The following SGF29 variants were observed in gnomAD, a reference collection of about 807,000 sequenced individuals.
SGF29 encodes the protein SAGA complex associated factor 29, also known as SAGA-associated factor 29.
Under a neutral mutation model 38.1 loss-of-function variants are expected in SGF29, and 15 were observed. The observed-to-expected ratio is 0.39, with a 90% CI of 0.26 to 0.61. SGF29 has a LOEUF of 0.61. Among genes scored for constraint, SGF29 ranks in the 20% least tolerant of loss-of-function variants. The probability of loss-of-function intolerance (pLI) is 0.49; values close to 1 mark genes in which losing one functional copy is unlikely to be tolerated. For synonymous variants in SGF29, 151 were observed against 160.8 expected (o/e 0.94, Z 0.46); for missense variants, 184 against 394.6 (o/e 0.47, Z 4.52).
At chr16:28,589,073 C>T in intron 4 of SGF29, 27 bp from the exon 5 acceptor site, 1 of 1,613,736 alleles carries the variant, frequency 6.2e-7, no homozygotes, top group Non-Finnish European at 8.5e-7. Flanking sequence ...TAACCAAACC[C>T]TCTTTCTCCC....
chr16:28,588,980 AC>A lies in SGF29; in HGVS notation c.225-118del, dbSNP rs543523344. 167 of 999,376 alleles carry A rather than the reference AC, an allele frequency of 1.7e-4. 2 individuals carry two copies. In the South Asian group the frequency reaches 2.2e-3, roughly 13 times the overall value. 61.9% of individuals were successfully genotyped at this position (999,376 alleles called of 1,614,324 possible). ...ACCTGCGCAGGAGGCTACTGTGAGAACCTCTGGAGTCCGGGACCAGCCTGGG... is the reference window on the plus strand; with the variant it reads ...ACCTGCGCAGGAGGCTACTGTGAGAACTCTGGAGTCCGGGACCAGCCTGGG... On this transcript the variant is annotated intron_variant, in intron 4 of 9. Coordinates refer to ENST00000317058, the MANE Select transcript of SGF29 (RefSeq NM_138414.3).
chr16:28,565,349 C>G (rs1337158491), intron 1 of SGF29, among the ~76,000 whole-genome samples: 1 of 152,138 alleles, frequency 6.6e-6, no homozygotes, highest in Non-Finnish European at 1.5e-5. Flanking sequence ...AACCATCACA[C>G]CTGGAAATCT....
intron 1 of SGF29, among the ~76,000 whole-genome samples, chr16:28,570,960 A>G (rs1013842715): frequency 6.6e-6 from 1 of 152,108 alleles, no homozygotes; most frequent in African/African-American, 2.4e-5. Flanking sequence ...ATTTGGGGCC[A>G]TTGGGGTGGA....
intron 9 of SGF29, 31 bp from the exon 10 acceptor site, chr16:28,591,559 G>C (rs2151656397): frequency 6.6e-7 from 1 of 1,523,132 alleles, no homozygotes; most frequent in South Asian, 1.1e-5. Flanking sequence ...GGGGGTCTCT[G>C]AGCAGCCCCT....
intron 4 of SGF29, among the ~76,000 whole-genome samples, chr16:28,587,718 CA>C (rs1310811209): frequency 6.6e-6 from 1 of 152,220 alleles, no homozygotes; most frequent in Non-Finnish European, 1.5e-5. Flanking sequence ...AAAGGCTTGC[CA>C]GAGGAATGGA....
intron 1 of SGF29, among the ~76,000 whole-genome samples, chr16:28,575,717 C>A (rs1487385760): frequency 6.6e-6 from 1 of 152,068 alleles, no homozygotes; most frequent in African/African-American, 2.4e-5. Context: ...AGACAAATAA[C>A]CAAACTTTAA....
chr16:28,582,253 A>G (rs1406424021), intron 2 of SGF29, among the ~76,000 whole-genome samples: 1 of 152,236 alleles, frequency 6.6e-6, no homozygotes, highest in African/African-American at 2.4e-5. Flanking sequence ...ACTGTAAACG[A>G]AAAGCAAAAC....
chr16:28,589,338 C>A, intron 5 of SGF29, 174 bp downstream of exon 5: 1 of 620,096 alleles, frequency 1.6e-6, no homozygotes. Flanking sequence ...ATTCCCAGTG[C>A]CCAGAGGCAG....
chr16:28,573,661 A>T (rs1362746530), intron 1 of SGF29, among the ~76,000 whole-genome samples: 1 of 152,210 alleles, frequency 6.6e-6, no homozygotes, highest in East Asian at 1.9e-4. Flanking sequence ...AGTTCAGAAC[A>T]CAAATGAAGA....
intron 1 of SGF29, among the ~76,000 whole-genome samples, chr16:28,570,406 A>G (rs117470737): frequency 0.02 from 3,024 of 152,208 alleles, 57 homozygotes; most frequent in Non-Finnish European, 0.031. Context: ...TGTCTGTCCT[A>G]TGCCTGTCCC....
intron 2 of SGF29, among the ~76,000 whole-genome samples, 199 bp from the exon 3 acceptor site, chr16:28,584,714 G>A (rs767442335): frequency 7.9e-5 from 12 of 151,610 alleles, no homozygotes; most frequent in South Asian, 2.1e-4. Context: ...GCGTGAACCC[G>A]GGAGGCGGAG....
At chr16:28,579,712 C>T (rs1415129552) in intron 1 of SGF29, among the ~76,000 whole-genome samples, 1 of 151,930 alleles carries the variant, frequency 6.6e-6, no homozygotes, top group Non-Finnish European at 1.5e-5. Context: ...AAGCAGATCA[C>T]CTGAGGTCAG....
At chr16:28,569,020 G>A (rs1280372781) in intron 1 of SGF29, among the ~76,000 whole-genome samples, 6 of 150,666 alleles carry the variant, frequency 4.0e-5, no homozygotes, top group East Asian at 2.0e-4. Flanking sequence ...CCTGGGAGGC[G>A]AAGTTTGCAG....
chr16:28,586,523 C>A (rs947292001), intron 4 of SGF29, among the ~76,000 whole-genome samples: 2 of 149,590 alleles, frequency 1.3e-5, no homozygotes, highest in African/African-American at 4.9e-5. Context: ...AAAAAAAAAA[C>A]TAAAATAAAA....
At chr16:28,585,420 G>A in intron 3 of SGF29, 2 of 592,040 alleles carry the variant, frequency 3.4e-6, no homozygotes, top group East Asian at 2.8e-5. Context: ...TGGAGAAAAG[G>A]TAAGACAGTA....
At chr16:28,558,199 G>A (rs535758321) in intron 1 of SGF29, among the ~76,000 whole-genome samples, 319 of 150,692 alleles carry the variant, frequency 2.1e-3, no homozygotes, top group African/African-American at 7.5e-3. Flanking sequence ...TCCACCTCCC[G>A]GGTTCAAGTG....
intron 1 of SGF29, among the ~76,000 whole-genome samples, chr16:28,567,697 C>T (rs1596599334): frequency 1.3e-5 from 2 of 152,194 alleles, no homozygotes; most frequent in South Asian, 4.1e-4. Context: ...CCTAAGAGGG[C>T]ATGAACAGAA....
chr16:28,584,023 GC>G, intron 2 of SGF29, among the ~76,000 whole-genome samples: 1 of 150,752 alleles, frequency 6.6e-6, no homozygotes, highest in Middle Eastern at 3.5e-3. Flanking sequence ...TAACTTTAAT[GC>G]CTTCTTTTTT....
intron 1 of SGF29, 25 bp downstream of exon 1, chr16:28,554,122 G>GA (rs2046728235): frequency 6.6e-6 from 1 of 152,342 alleles, no homozygotes; most frequent in Admixed American, 6.5e-5. Flanking sequence ...GCCGTGGCCT[G>GA]AGACCTCCGG....
Sources: allele counts gnomAD v4.1 joint callset (sites outside exome capture counted in the v4.1 genomes callset), GRCh38; gene constraint gnomAD v4.1.1; transcripts MANE v1.5; gene names NCBI Gene and HGNC (gene_info 2026-07-23, HGNC 2026-07-21).